The following LNPEP variants were observed in gnomAD, a reference collection of about 807,000 sequenced individuals.
The protein encoded by LNPEP is leucyl and cystinyl aminopeptidase, also known as leucyl-cystinyl aminopeptidase.
In LNPEP, 64 loss-of-function variants were observed where a neutral mutation model predicts 120.6. That is an observed-to-expected ratio of 0.53 (90% CI 0.43 to 0.65). LNPEP has a LOEUF of 0.65. Among genes scored for constraint, LNPEP ranks in the 30% least tolerant of loss-of-function variants. The pLI, the probability that LNPEP is intolerant of heterozygous loss-of-function variation, is 0.00. For missense variants in LNPEP, 1,057 were observed against 1,200.0 expected (o/e 0.88, Z 1.76); for synonymous variants, 435 against 425.4 (o/e 1.02, Z -0.28).
At chr5:97,001,483 C>T (rs1333899105) in intron 8 of LNPEP, among the ~76,000 whole-genome samples, 1 of 151,986 alleles carries the variant, frequency 6.6e-6, no homozygotes, top group Non-Finnish European at 1.5e-5. Flanking sequence ...AATGGAGATA[C>T]CACACAGGCA....
intron 1 of LNPEP, among the ~76,000 whole-genome samples, chr5:96,968,525 T>C (rs1789781692): frequency 6.6e-6 from 1 of 152,136 alleles, no homozygotes; most frequent in African/African-American, 2.4e-5. Context: ...GATTTCTTTA[T>C]TGCAGTTCTT....
chr5:97,021,023 A>G (rs1398111308), intron 13 of LNPEP, among the ~76,000 whole-genome samples: 1 of 152,186 alleles, frequency 6.6e-6, no homozygotes, highest in African/African-American at 2.4e-5. Context: ...GTCTGTTAGT[A>G]CCTTAATACC....
intron 1 of LNPEP, among the ~76,000 whole-genome samples, chr5:96,956,029 A>G (rs1789459304): frequency 6.6e-6 from 1 of 152,210 alleles, no homozygotes; most frequent in African/African-American, 2.4e-5. Context: ...GATGTTGACT[A>G]TCTTTGTGTA....
At chr5:97,001,678 G>A (rs1561447872) in intron 8 of LNPEP, among the ~76,000 whole-genome samples, 1 of 152,134 alleles carries the variant, frequency 6.6e-6, no homozygotes, top group Non-Finnish European at 1.5e-5. Context: ...TTCAGTAGAC[G>A]AGACCGAGAA....
At chr5:97,024,760 T>C (rs1791298793) in intron 15 of LNPEP, 78 bp downstream of exon 15, 18 of 1,332,720 alleles carry the variant, frequency 1.4e-5, no homozygotes, top group Non-Finnish European at 1.9e-5. Context: ...GAGCTCATTT[T>C]TGAGGGGATC....
At chr5:97,008,043 A>G (rs1790826766) in intron 11 of LNPEP, among the ~76,000 whole-genome samples, 1 of 152,174 alleles carries the variant, frequency 6.6e-6, no homozygotes, top group Non-Finnish European at 1.5e-5. Flanking sequence ...TTGATAGCAT[A>G]GCTGGAAGTA....
At chr5:97,012,195 A>G (rs1474464680) in intron 11 of LNPEP, among the ~76,000 whole-genome samples, 1 of 152,192 alleles carries the variant, frequency 6.6e-6, no homozygotes, top group African/African-American at 2.4e-5. Flanking sequence ...AAGACAATGG[A>G]AAAATGTGCG....
At chr5:96,954,657 CACATATAT>C (rs1452487759) in intron 1 of LNPEP, among the ~76,000 whole-genome samples, 2 of 90,602 alleles carry the variant, frequency 2.2e-5, no homozygotes, top group African/African-American at 1.0e-4. Flanking sequence ...TACATATATA[CACATATAT>C]ACATATATAC....
At chr5:96,941,865 G>C (rs1285122982) in intron 1 of LNPEP, among the ~76,000 whole-genome samples, 1 of 152,194 alleles carries the variant, frequency 6.6e-6, no homozygotes, top group Non-Finnish European at 1.5e-5. Context: ...GTGGAGATTG[G>C]GGGTAAAGGA....
rs1460992839 is a variant in LNPEP at position 96,976,238 on chromosome 5, G to T, written c.20-2900G>T. ...TTGATATATTTAACTTGATATGATT[G>T]TGCATACAAAAAAAAAACTGTGCTT... On this transcript the variant is annotated intron_variant, in intron 1 of 17. Transcript: ENST00000231368. Among the ~76,000 whole-genome samples, 5 of 151,854 alleles carry T rather than the reference G, an allele frequency of 3.3e-5. No individual in the cohort carries two copies. The East Asian group carries it at 9.7e-4, about 29-fold the overall frequency.
At position 97,003,584 on chromosome 5, in the gene LNPEP, A is replaced by G. The variant is rs767863520; in HGVS notation, c.1785+38A>G. ...GGTAATTTATTTAGCTCTTACTGTA[A>G]AAAGAGAGGAGTTCGTCTATTTATA... On this transcript the variant is annotated intron_variant, in intron 9 of 17. Transcript: ENST00000231368. 2.8e-6 allele frequency: 4 copies of G among 1,431,158 alleles called. No homozygotes were observed. The South Asian group carries it at 5.3e-5, about 19-fold the overall frequency. The allele number at this position is 1,431,158 out of a possible 1,614,324, so 88.7% of individuals were successfully genotyped here. A position where few individuals can be genotyped will look rare whatever the true frequency, so the allele number is the denominator to read the frequency against.
At position 96,954,613 on chromosome 5, in the gene LNPEP, T is replaced by C. The variant is rs1216082583; in HGVS notation, c.19+18439T>C. On this transcript the variant is annotated intron_variant, in intron 1 of 17. Transcript: ENST00000231368. ...ATTCTTGCAAGTCTCTCTCTCTCTC[T>C]CTCTCTATATATATATATACATATA... Among the ~76,000 whole-genome samples the C allele has an allele frequency of 1.9e-5, 2 of 106,402 alleles. 1 individual carries two copies. The highest frequency in any genetic ancestry group is 4.2e-5 in the Non-Finnish European group (2 of 47,698). 69.8% of individuals were successfully genotyped at this position (106,402 alleles called of 152,430 possible).
chr5:96,977,236 A>T (rs1790019476), intron 1 of LNPEP, among the ~76,000 whole-genome samples: 1 of 152,166 alleles, frequency 6.6e-6, no homozygotes, highest in South Asian at 2.1e-4. Context: ...AAGACAAAGG[A>T]AAAACAAAAA....
chr5:96,966,943 G>T (rs1789741413), intron 1 of LNPEP, among the ~76,000 whole-genome samples: 1 of 152,026 alleles, frequency 6.6e-6, no homozygotes, highest in African/African-American at 2.4e-5. Context: ...AATATGAAAA[G>T]TCCAGAAACC....
At chr5:97,012,209 G>A (rs1790948428) in intron 11 of LNPEP, among the ~76,000 whole-genome samples, 1 of 151,968 alleles carries the variant, frequency 6.6e-6, no homozygotes, top group African/African-American at 2.4e-5. Flanking sequence ...ATGTGCGGGG[G>A]GATCTGATAG....
intron 9 of LNPEP, among the ~76,000 whole-genome samples, chr5:97,004,072 T>G (rs1790720405): frequency 6.6e-6 from 1 of 152,156 alleles, no homozygotes; most frequent in Non-Finnish European, 1.5e-5. Context: ...CTGGAAATAT[T>G]CTAGCAAGCA....
intron 1 of LNPEP, among the ~76,000 whole-genome samples, chr5:96,962,159 C>G (rs1373533205): frequency 6.6e-6 from 1 of 152,146 alleles, no homozygotes; most frequent in Non-Finnish European, 1.5e-5. Context: ...TCTGTGACCC[C>G]CCAGCCTTCT....
chr5:96,944,826 C>T (rs1581973873), intron 1 of LNPEP, among the ~76,000 whole-genome samples: 1 of 152,036 alleles, frequency 6.6e-6, no homozygotes. Flanking sequence ...CCACCTCAGC[C>T]TCCCAAAGTG....
chr5:96,976,097 A>G (rs927444762), intron 1 of LNPEP, among the ~76,000 whole-genome samples: 1 of 152,180 alleles, frequency 6.6e-6, no homozygotes, highest in Admixed American at 6.6e-5. Flanking sequence ...GTTACAATTT[A>G]ATGCCAAAAT....
Sources: gnomAD v4.1 joint callset for allele counts (sites outside exome capture counted in the v4.1 genomes callset) on GRCh38, gnomAD v4.1.1 for gene constraint, MANE v1.5 for transcripts, NCBI Gene and HGNC (gene_info 2026-07-23, HGNC 2026-07-21) for gene names.